The following KALRN variants were observed in gnomAD, a reference collection of about 807,000 sequenced individuals.
KALRN encodes the protein kalirin RhoGEF kinase, also known as kalirin.
KALRN carries 70 observed loss-of-function variants against 353.7 expected under a neutral mutation model. The observed-to-expected ratio is 0.20, with a 90% CI of 0.16 to 0.24. The LOEUF (loss-of-function observed/expected upper bound fraction) is 0.24. Among genes scored for constraint, KALRN ranks in the 10% least tolerant of loss-of-function variants. KALRN has a pLI of 1.00. For synonymous variants in KALRN, 1,391 were observed against 1,434.8 expected (o/e 0.97, Z 0.69); for missense variants, 2,791 against 3,756.7 (o/e 0.74, Z 6.72).
At chr3:124,521,243 C>T (rs2067137551) in intron 33 of KALRN, among the ~76,000 whole-genome samples, 1 of 152,338 alleles carries the variant, frequency 6.6e-6, no homozygotes, top group East Asian at 1.9e-4. Context: ...TTTCGAGTGC[C>T]TCCAAGCGCT....
In KALRN at chr3:124,264,493, C is replaced by T; in HGVS notation, c.264-5C>T. 1 of 1,613,116 alleles carries T rather than the reference C, an allele frequency of 6.2e-7. No homozygotes were observed. The highest frequency in any genetic ancestry group is 1.3e-5 in the African/African-American group (1 of 74,996). On this transcript the variant is annotated splice_region_variant and splice_polypyrimidine_tract_variant and intron_variant, in intron 3 of 59. Transcript: ENST00000682506. ...TGACCATACCGACCTCTGACCTCCCCACAGTGAGGACGTGTGCAAACGTGG... is the reference window on the plus strand; with the variant it reads ...TGACCATACCGACCTCTGACCTCCCTACAGTGAGGACGTGTGCAAACGTGG...
At chr3:124,119,706 C>A (rs1375433637) in intron 1 of KALRN, among the ~76,000 whole-genome samples, 1 of 152,154 alleles carries the variant, frequency 6.6e-6, no homozygotes, top group African/African-American at 2.4e-5. Flanking sequence ...AAAATGTTGT[C>A]TAATTTTTTG....
At chr3:124,130,371 A>G (rs60820413) in intron 1 of KALRN, among the ~76,000 whole-genome samples, 5,730 of 152,218 alleles carry the variant, frequency 0.038, 376 homozygotes, top group African/African-American at 0.13. Flanking sequence ...TATTTTCAAG[A>G]AGTAAAATTA....
chr3:124,116,305 G>A (rs2063454331), intron 1 of KALRN, among the ~76,000 whole-genome samples: 1 of 152,176 alleles, frequency 6.6e-6, no homozygotes, highest in Non-Finnish European at 1.5e-5. Context: ...CTTGGAGAAT[G>A]TGGCCTGTTG....
intron 25 of KALRN, among the ~76,000 whole-genome samples, chr3:124,465,940 A>AT (rs1170365192): frequency 1.3e-5 from 2 of 152,148 alleles, no homozygotes; most frequent in Non-Finnish European, 2.9e-5. Context: ...ACCAAGGGTT[A>AT]TGTGGTGAAT....
At chr3:124,505,833 G>A (rs191272085) in intron 33 of KALRN, among the ~76,000 whole-genome samples, 98 of 152,258 alleles carry the variant, frequency 6.4e-4, no homozygotes, top group African/African-American at 2.3e-3. Flanking sequence ...TAGAATTCTT[G>A]GAAAGATCTT....
chr3:124,276,120 G>A (rs2074698294), intron 5 of KALRN, among the ~76,000 whole-genome samples: 2 of 152,192 alleles, frequency 1.3e-5, no homozygotes, highest in African/African-American at 4.8e-5. Context: ...CTTGGGGCCA[G>A]AAATACTTCC....
intron 34 of KALRN, among the ~76,000 whole-genome samples, chr3:124,580,379 G>A (rs1430772390): frequency 1.4e-5 from 2 of 145,756 alleles, no homozygotes; most frequent in Non-Finnish European, 3.0e-5. Flanking sequence ...TGGGTGGGGA[G>A]GGGGGACTCA....
intron 1 of KALRN, among the ~76,000 whole-genome samples, chr3:124,151,279 T>C (rs1020925083): frequency 1.3e-5 from 2 of 152,228 alleles, no homozygotes; most frequent in Non-Finnish European, 2.9e-5. Context: ...AAAGCAGTTA[T>C]AATGATTTAT....
At chr3:124,112,796 T>C (rs2063109481) in intron 1 of KALRN, among the ~76,000 whole-genome samples, 1 of 151,776 alleles carries the variant, frequency 6.6e-6, no homozygotes, top group Admixed American at 6.6e-5. Context: ...AGGCATGGGG[T>C]GATATTTTTG....
chr3:124,162,618 A>G (rs1435085799), intron 1 of KALRN: 1 of 152,214 alleles, frequency 6.6e-6, no homozygotes, highest in Admixed American at 6.5e-5. Context: ...TTTGCCCTGT[A>G]CAGGGGCCAT....
chr3:124,704,914 T>A (rs2062526130), intron 57 of KALRN, among the ~76,000 whole-genome samples: 1 of 152,216 alleles, frequency 6.6e-6, no homozygotes, highest in African/African-American at 2.4e-5. Flanking sequence ...GCTGTAGAAG[T>A]CAATCGACTT....
At chr3:124,238,863 T>C (rs2080101942) in intron 3 of KALRN, among the ~76,000 whole-genome samples, 1 of 152,174 alleles carries the variant, frequency 6.6e-6, no homozygotes, top group Admixed American at 6.5e-5. Context: ...TCCTGATGAG[T>C]TTGGGCATCT....
chr3:124,268,491 G>A lies in KALRN; in HGVS notation c.457-252G>A, dbSNP rs115579344. 6.3e-3 allele frequency: 3,223 copies of A among 509,510 alleles called. 34 individuals are homozygous for A. Among genetic ancestry groups the A allele is most frequent in the Middle Eastern group, 0.047 (103 of 2,210 alleles). 31.6% of individuals were successfully genotyped at this position (509,510 alleles called of 1,614,324 possible). On this transcript the variant is annotated intron_variant, in intron 4 of 59. Coordinates refer to ENST00000682506, the MANE Select transcript of KALRN (RefSeq NM_001388419.1). ...AAATGAGGAGAGGAGGGACACAAAA[G>A]CAGTTCTTCTGGGGTGGTAAATGGC... is the stretch of plus-strand genomic sequence containing the variant.
In KALRN at chr3:124,496,426, C is replaced by A; in HGVS notation, c.4935+13C>A. On this transcript the variant is annotated intron_variant, in intron 33 of 59. Transcript: ENST00000682506. ...GGACAGTGACAAGGTAGGACAGAGT[C>A]CTAACCTTCCTTCCCCTGAGACTTC... 1.3e-6 allele frequency: 2 copies of A among 1,584,088 alleles called. No homozygotes were observed. The highest frequency in any genetic ancestry group is 1.7e-6 in the Non-Finnish European group (2 of 1,152,772).
At chr3:124,369,179 A>C (rs1576362461) in intron 10 of KALRN, among the ~76,000 whole-genome samples, 2 of 152,244 alleles carry the variant, frequency 1.3e-5, no homozygotes, top group Admixed American at 6.5e-5. Flanking sequence ...AAATGCATTC[A>C]TCTTTAAGAT....
chr3:124,629,613 C>T (rs1465006406), intron 34 of KALRN, among the ~76,000 whole-genome samples: 6 of 152,102 alleles, frequency 3.9e-5, no homozygotes, highest in Non-Finnish European at 1.5e-5. Flanking sequence ...ATTCCTTCAC[C>T]CTTCTATTCA....
chr3:124,531,280 A>G (rs1176844106), intron 33 of KALRN, among the ~76,000 whole-genome samples: 1 of 152,240 alleles, frequency 6.6e-6, no homozygotes, highest in Non-Finnish European at 1.5e-5. Context: ...AGCAGTTAAC[A>G]ACAAATCATA....
At chr3:124,668,399 G>A (rs11714330) in intron 47 of KALRN, among the ~76,000 whole-genome samples, 4,248 of 152,322 alleles carry the variant, frequency 0.028, 80 homozygotes, top group East Asian at 0.079. Flanking sequence ...TGTGAAAAAG[G>A]GAGTTCAGGT....
Sources: allele counts gnomAD v4.1 joint callset (sites outside exome capture counted in the v4.1 genomes callset), GRCh38; gene constraint gnomAD v4.1.1; transcripts MANE v1.5; gene names NCBI Gene and HGNC (gene_info 2026-07-23, HGNC 2026-07-21).